The following RFX3 variants were observed in gnomAD, a reference collection of about 807,000 sequenced individuals.
RFX3 encodes the protein transcription factor RFX3.
A neutral mutation model predicts 98.6 loss-of-function variants in RFX3; 14 were observed. That is an observed-to-expected ratio of 0.14 (90% CI 0.09 to 0.22). RFX3 has a LOEUF of 0.22. Ranked by LOEUF, RFX3 falls within the 10% of genes least tolerant of loss-of-function variation. The probability of loss-of-function intolerance (pLI) is 1.00; values close to 1 mark genes in which losing one functional copy is unlikely to be tolerated. For missense variants in RFX3, 639 were observed against 926.9 expected, an observed-to-expected ratio of 0.69 and a Z score of 4.03; for synonymous variants, 383 against 328.4, an observed-to-expected ratio of 1.17 and a Z score of -1.80.
At chr9:3,333,220 G>T (rs1832792774) in intron 3 of RFX3, among the ~76,000 whole-genome samples, 1 of 152,148 alleles carries the variant, frequency 6.6e-6, no homozygotes, top group Non-Finnish European at 1.5e-5. Flanking sequence ...GAGAAATTAT[G>T]CTAAACTACT....
chr9:3,301,242 C>T (rs1453794791), intron 5 of RFX3, among the ~76,000 whole-genome samples: 3 of 151,762 alleles, frequency 2.0e-5, no homozygotes, highest in Non-Finnish European at 2.9e-5. Flanking sequence ...CAAACTGGAA[C>T]ATTTTAAATA....
chr9:3,331,553 T>G (rs915990647), intron 3 of RFX3, among the ~76,000 whole-genome samples: 16 of 152,192 alleles, frequency 1.1e-4, no homozygotes, highest in Non-Finnish European at 1.5e-4. Flanking sequence ...TTGGTGTATA[T>G]GTTTTCAGAT....
chr9:3,315,853 T>A (rs1385307625), intron 4 of RFX3, among the ~76,000 whole-genome samples: 1 of 152,016 alleles, frequency 6.6e-6, no homozygotes, highest in Non-Finnish European at 1.5e-5. Context: ...AATAGACCAA[T>A]AACAGGTTCC....
intron 15 of RFX3, among the ~76,000 whole-genome samples, chr9:3,234,961 G>C (rs1426930809): frequency 6.6e-6 from 1 of 152,192 alleles, no homozygotes; most frequent in Non-Finnish European, 1.5e-5. Flanking sequence ...GTAAGAGTCA[G>C]CTTTTAAAGA....
chr9:3,476,576 T>C (rs1301012555), intron 1 of RFX3, among the ~76,000 whole-genome samples: 3 of 152,154 alleles, frequency 2.0e-5, no homozygotes, highest in African/African-American at 7.2e-5. Context: ...TATCTCTGCC[T>C]TATAAGGTAG....
Position 3,220,735 on chromosome 9 carries a change from C to T in RFX3, c.*4307G>A, listed in dbSNP as rs192774753. On this transcript the variant is annotated 3_prime_UTR_variant, in exon 17 of 17. Transcript: ENST00000617270. ...AATGATCTGAAAGGCTTTTGTCCCC[C>T]ATTGTATATCTTACAATGCTCAAAG... The T allele has an allele frequency of 1.3e-5, 2 of 152,184 alleles. No homozygotes were observed. Among genetic ancestry groups the T allele is most frequent in the Admixed American group, 1.3e-4 (2 of 15,274 alleles). The allele number at this position is 152,184 out of a possible 1,614,324, so 9.4% of individuals were successfully genotyped here.
At chr9:3,449,113 G>A (rs1437367221) in intron 1 of RFX3, among the ~76,000 whole-genome samples, 1 of 152,012 alleles carries the variant, frequency 6.6e-6, no homozygotes, top group African/African-American at 2.4e-5. Context: ...CTGTCAAATT[G>A]TTGCTAATAA....
At chr9:3,296,283 T>C (rs1428916906) in intron 5 of RFX3, among the ~76,000 whole-genome samples, 5 of 151,886 alleles carry the variant, frequency 3.3e-5, no homozygotes, top group Admixed American at 2.0e-4. Flanking sequence ...ATAGAAATAG[T>C]GAGATAATTA....
chr9:3,315,135 C>T (rs1400682915), intron 4 of RFX3, among the ~76,000 whole-genome samples: 1 of 152,090 alleles, frequency 6.6e-6, no homozygotes, highest in East Asian at 1.9e-4. Flanking sequence ...TAAAGCACTC[C>T]TCAGCAAATG....
intron 8 of RFX3, among the ~76,000 whole-genome samples, 175 bp from the exon 9 acceptor site, chr9:3,275,787 C>T (rs1006672256): frequency 6.6e-6 from 1 of 151,924 alleles, no homozygotes; most frequent in African/African-American, 2.4e-5. Context: ...ACATCATCAG[C>T]ACAAAATATA....
At chr9:3,434,840 T>C (rs1299085686) in intron 1 of RFX3, among the ~76,000 whole-genome samples, 1 of 152,042 alleles carries the variant, frequency 6.6e-6, no homozygotes, top group African/African-American at 2.4e-5. Context: ...CATCATGTTG[T>C]AAACATCACA....
At chr9:3,284,428 T>C (rs1260294438) in intron 7 of RFX3, among the ~76,000 whole-genome samples, 1 of 151,714 alleles carries the variant, frequency 6.6e-6, no homozygotes, top group Non-Finnish European at 1.5e-5. Flanking sequence ...GATTACTTCA[T>C]TTTAGTGCAA....
chr9:3,448,214 T>C (rs1474020879), intron 1 of RFX3, among the ~76,000 whole-genome samples: 1 of 152,142 alleles, frequency 6.6e-6, no homozygotes, highest in Non-Finnish European at 1.5e-5. Context: ...GATATTTTTT[T>C]CCCACTCACA....
chr9:3,493,697 AAAAATATAT>A lies in RFX3; in HGVS notation c.-9+32041_-9+32049del, dbSNP rs1231419167. On this transcript the variant is annotated intron_variant, in intron 1 of 16. Transcript: ENST00000617270. The stretch of plus-strand genomic sequence containing the variant: ...AGACTCATCTCAAAAAAAAAAAAAA[AAAAATATAT>A]ATATATATATATATATATATACATA... Among the ~76,000 whole-genome samples, 102 of 122,724 alleles carry A rather than the reference AAAAATATAT, an allele frequency of 8.3e-4. 2 individuals carry two copies. Among genetic ancestry groups the A allele is most frequent in the African/African-American group, 4.9e-4 (13 of 26,336 alleles). The allele number at this position is 122,724 out of a possible 152,430, so 80.5% of individuals were successfully genotyped here.
intron 4 of RFX3, among the ~76,000 whole-genome samples, chr9:3,313,826 C>A (rs4495486): frequency 0.15 from 23,068 of 152,016 alleles, 1,832 homozygotes; most frequent in Middle Eastern, 0.21. Context: ...TTAGAAAAAA[C>A]AGAGTAAAAA....
chr9:3,487,070 G>A (rs988752484), intron 1 of RFX3, among the ~76,000 whole-genome samples: 7 of 151,792 alleles, frequency 4.6e-5, no homozygotes, highest in African/African-American at 1.7e-4. Flanking sequence ...TGCCCAGGCT[G>A]GTCTCCAATT....
intron 1 of RFX3, among the ~76,000 whole-genome samples, chr9:3,440,673 G>A (rs547784761): frequency 1.3e-5 from 2 of 152,216 alleles, no homozygotes; most frequent in Admixed American, 6.5e-5. Flanking sequence ...TTCATTTAAA[G>A]ATCTAATGCA....
chr9:3,416,427 T>C (rs1190808893), intron 1 of RFX3, among the ~76,000 whole-genome samples: 2 of 152,190 alleles, frequency 1.3e-5, no homozygotes. Context: ...TGCCATTTAC[T>C]AAAGCCACTT....
chr9:3,327,155 T>C (rs1433386071), intron 4 of RFX3, among the ~76,000 whole-genome samples: 2 of 151,960 alleles, frequency 1.3e-5, no homozygotes, highest in South Asian at 4.1e-4. Context: ...AAGAAAAATA[T>C]ACATAAACTC....
Sources: gnomAD v4.1 joint callset for allele counts (sites outside exome capture counted in the v4.1 genomes callset) on GRCh38, gnomAD v4.1.1 for gene constraint, MANE v1.5 for transcripts, NCBI Gene and HGNC (gene_info 2026-07-23, HGNC 2026-07-21) for gene names.